Variants in WT1 observed in about 807,000 individuals in gnomAD.
WT1 encodes WT1 transcription factor, also known as Wilms tumor protein.
In WT1, 8 loss-of-function variants were observed where a neutral mutation model predicts 60.8. The ratio of observed to expected loss-of-function variants is 0.13; its 90% CI spans 0.08 to 0.24. The LOEUF is 0.24. Ranked by LOEUF, WT1 falls within the 10% of genes least tolerant of loss-of-function variation. WT1 has a pLI of 1.00. For synonymous variants in WT1, 312 were observed against 297.1 expected, an observed-to-expected ratio of 1.05 and a Z score of -0.52; for missense variants, 568 against 711.8, an observed-to-expected ratio of 0.80 and a Z score of 2.30.
chr11:32,412,032 G>T lies in WT1; in HGVS notation c.1016+4458C>A, dbSNP rs545476382. On this transcript the variant is annotated intron_variant, in intron 5 of 9. Transcript: ENST00000452863. ...CCTTCACTTTGCATCTCAGGCTCCGGGAGCCACTTAAAAGCAAGCTATCTA... is the reference window on the plus strand; with the variant it reads ...CCTTCACTTTGCATCTCAGGCTCCGTGAGCCACTTAAAAGCAAGCTATCTA... Among the ~76,000 whole-genome samples the T allele has an allele frequency of 2.2e-4, 33 of 152,236 alleles. No homozygotes were observed. The East Asian group carries it at 6.4e-3, about 29-fold the overall frequency.
intron 5 of WT1, among the ~76,000 whole-genome samples, chr11:32,403,195 G>A (rs894167673): frequency 6.6e-6 from 1 of 151,778 alleles, no homozygotes; most frequent in African/African-American, 2.4e-5. Flanking sequence ...GGGGACTTGG[G>A]TCTCCAAAGG....
At chr11:32,432,337 C>T (rs1853340490) in intron 1 of WT1, among the ~76,000 whole-genome samples, 1 of 152,178 alleles carries the variant, frequency 6.6e-6, no homozygotes, top group African/African-American at 2.4e-5. Flanking sequence ...CAGCCCAAGT[C>T]TTGGGCCAGG....
At chr11:32,410,200 G>A (rs1852452271) in intron 5 of WT1, among the ~76,000 whole-genome samples, 2 of 152,090 alleles carry the variant, frequency 1.3e-5, no homozygotes, top group Non-Finnish European at 2.9e-5. Flanking sequence ...CAAAGTGCTG[G>A]GATTACAGGT....
At chr11:32,399,917 C>A (rs1448429094) in intron 6 of WT1, 31 bp downstream of exon 6, 1 of 1,611,106 alleles carries the variant, frequency 6.2e-7, no homozygotes, top group Non-Finnish European at 8.5e-7. Context: ...AGTGCGGCCC[C>A]CTTCCCGCTG....
chr11:32,392,346 A>G (rs918252019), intron 8 of WT1, among the ~76,000 whole-genome samples: 2 of 152,332 alleles, frequency 1.3e-5, no homozygotes, highest in South Asian at 4.2e-4. Flanking sequence ...TGTCAGAGAC[A>G]GGAAAAGTGA....
chr11:32,422,184 G>A (rs1175688639), intron 3 of WT1, among the ~76,000 whole-genome samples: 1 of 152,196 alleles, frequency 6.6e-6, no homozygotes, highest in African/African-American at 2.4e-5. Flanking sequence ...TGCCCAGCAG[G>A]CCATAATGAA....
intron 1 of WT1, among the ~76,000 whole-genome samples, chr11:32,431,434 C>CTTTT (rs756490733): frequency 2.6e-5 from 3 of 117,494 alleles, no homozygotes; most frequent in African/African-American, 3.8e-5. Context: ...CAGGCAACCT[C>CTTTT]TTTTTTTTTT....
chr11:32,434,233 G>T (rs1853407679), intron 1 of WT1, among the ~76,000 whole-genome samples: 2 of 152,234 alleles, frequency 1.3e-5, no homozygotes, highest in East Asian at 3.9e-4. Flanking sequence ...TTAGCGCTGC[G>T]GAGGCAGCAC....
intron 3 of WT1, 35 bp from the exon 4 acceptor site, chr11:32,417,689 A>G (rs749214099): frequency 1.9e-5 from 29 of 1,551,224 alleles, no homozygotes; most frequent in Non-Finnish European, 2.5e-5. Flanking sequence ...GAAACACATA[A>G]CCACAAAATA....
intron 5 of WT1, among the ~76,000 whole-genome samples, chr11:32,410,228 C>A (rs1852452827): frequency 6.6e-6 from 1 of 151,992 alleles, no homozygotes; most frequent in South Asian, 2.1e-4. Flanking sequence ...ACCATGCCTG[C>A]CCCATTTTTT....
chr11:32,431,608 T>C (rs1176197358), intron 1 of WT1, among the ~76,000 whole-genome samples: 2 of 151,800 alleles, frequency 1.3e-5, no homozygotes, highest in African/African-American at 2.4e-5. Flanking sequence ...GGCCAATTTT[T>C]TTTTTTGTAT....
intron 8 of WT1, among the ~76,000 whole-genome samples, chr11:32,392,419 A>C (rs1174302898): frequency 5.9e-5 from 9 of 152,186 alleles, no homozygotes; most frequent in African/African-American, 1.7e-4. Flanking sequence ...TGCTCAGTGT[A>C]TCATCAGCCC....
rs5030221 is a variant in WT1, at chr11:32,415,555, G to A, written c.1016+935C>T. On this transcript the variant is annotated intron_variant, in intron 5 of 9. Coordinates refer to ENST00000452863, the MANE Select transcript of WT1 (RefSeq NM_024426.6). ...CCCAGCTACTGGGGAGGCTGAGGCA[G>A]GAGAATCGCTTGAACCCGGGAGGTG... Among the ~76,000 whole-genome samples, 415 of 152,360 alleles carry A rather than the reference G, an allele frequency of 2.7e-3. 2 individuals are homozygous for A. Among genetic ancestry groups the A allele is most frequent in the African/African-American group, 9.5e-3 (395 of 41,590 alleles).
chr11:32,426,807 C>T (rs1402746379), intron 3 of WT1, among the ~76,000 whole-genome samples: 1 of 152,220 alleles, frequency 6.6e-6, no homozygotes, highest in Non-Finnish European at 1.5e-5. Flanking sequence ...GAGAGCCAGG[C>T]CAGCCCCGGG....
At chr11:32,423,581 G>A (rs1482577130) in intron 3 of WT1, among the ~76,000 whole-genome samples, 1 of 152,206 alleles carries the variant, frequency 6.6e-6, no homozygotes, top group Non-Finnish European at 1.5e-5. Flanking sequence ...CAAAGAGAAT[G>A]GCACTTATCC....
chr11:32,417,774 T>A, intron 3 of WT1, 120 bp from the exon 4 acceptor site: 1 of 802,732 alleles, frequency 1.2e-6, no homozygotes. Context: ...TTTTCCAGAA[T>A]GACAGAATAT....
rs145234090 is a variant in WT1 at position 32,430,293 on chromosome 11, A to G, written c.662-1674T>C. Among the ~76,000 whole-genome samples, 50 of 152,026 alleles carry G rather than the reference A, an allele frequency of 3.3e-4. No individual in the cohort carries two copies. The East Asian group carries it at 9.3e-3, about 28-fold the overall frequency. On this transcript the variant is annotated intron_variant, in intron 1 of 9. Coordinates refer to ENST00000452863, the MANE Select transcript of WT1 (RefSeq NM_024426.6). ...GGGCTTCCACAGACTTCCTTTTGAA[A>G]CCTGAGGCCTGGCCTTCTTTGAGGC... is the stretch of plus-strand genomic sequence containing the variant.
intron 5 of WT1, among the ~76,000 whole-genome samples, chr11:32,414,272 G>GTTTGT (rs746410349): frequency 3.9e-5 from 6 of 152,046 alleles, no homozygotes; most frequent in Admixed American, 1.3e-4. Context: ...TATTGTGTTT[G>GTTTGT]TTTGTTTTGT....
intron 5 of WT1, among the ~76,000 whole-genome samples, chr11:32,411,176 T>A (rs1168382827): frequency 6.6e-6 from 1 of 152,222 alleles, no homozygotes; most frequent in East Asian, 1.9e-4. Context: ...CCCTTCTCCA[T>A]CCCAACCTTT....
Sources: gnomAD v4.1 joint callset for allele counts (sites outside exome capture counted in the v4.1 genomes callset) on GRCh38, gnomAD v4.1.1 for gene constraint, MANE v1.5 for transcripts, NCBI Gene and HGNC (gene_info 2026-07-23, HGNC 2026-07-21) for gene names.